Variants in RCAN1 observed in about 807,000 individuals in gnomAD.
RCAN1 encodes the protein calcipressin-1.
A neutral mutation model predicts 22.9 loss-of-function variants in RCAN1; 11 were observed. The observed-to-expected ratio is 0.48, with a 90% CI of 0.30 to 0.79. The LOEUF (loss-of-function observed/expected upper bound fraction) is 0.79, where lower values mean the gene tolerates loss of function less well. Among genes scored for constraint, RCAN1 ranks in the 30% least tolerant of loss-of-function variants. The pLI is 0.06. For missense variants in RCAN1, 291 were observed against 337.8 expected (o/e 0.86, Z 1.09); for synonymous variants, 136 against 142.3 (o/e 0.96, Z 0.32).
chr21:34,582,259 GA>G (rs1987638125), intron 1 of RCAN1, among the ~76,000 whole-genome samples: 1 of 152,120 alleles, frequency 6.6e-6, no homozygotes, highest in Non-Finnish European at 1.5e-5. Flanking sequence ...TGGTAAATGA[GA>G]CAAAAGCCTT....
At chr21:34,543,970 T>C (rs2251134) in intron 1 of RCAN1, among the ~76,000 whole-genome samples, 57,029 of 152,168 alleles carry the variant, frequency 0.37, 11,105 homozygotes, top group South Asian at 0.48. Flanking sequence ...ATGAATATTA[T>C]CTCTAGACTG....
intron 1 of RCAN1, among the ~76,000 whole-genome samples, chr21:34,555,514 A>G (rs981872197): frequency 2.8e-4 from 43 of 150,886 alleles, no homozygotes; most frequent in Non-Finnish European, 1.5e-4. Context: ...TCAGCACTGT[A>G]GTGAGCTGTG....
intron 1 of RCAN1, among the ~76,000 whole-genome samples, chr21:34,546,041 T>C (rs970172155): frequency 1.3e-5 from 2 of 152,206 alleles, no homozygotes; most frequent in African/African-American, 4.8e-5. Flanking sequence ...AAAACGCTCA[T>C]AGAAATGTTG....
intron 1 of RCAN1, among the ~76,000 whole-genome samples, chr21:34,606,057 T>C (rs151005693): frequency 1.2e-3 from 184 of 152,172 alleles, no homozygotes; most frequent in African/African-American, 4.3e-3. Flanking sequence ...TCCTCCTCTA[T>C]AGAATGGGGA....
intron 1 of RCAN1, among the ~76,000 whole-genome samples, chr21:34,588,333 C>T (rs1987867100): frequency 6.6e-6 from 1 of 152,112 alleles, no homozygotes; most frequent in Admixed American, 6.5e-5. Context: ...TGGGGAGGGA[C>T]ATGAAGGATG....
chr21:34,562,267 G>A (rs1000342036), intron 1 of RCAN1, among the ~76,000 whole-genome samples: 2 of 152,172 alleles, frequency 1.3e-5, no homozygotes, highest in South Asian at 2.1e-4. Context: ...ACATCTTTTG[G>A]TACATTCTTA....
rs184937750 is a variant in RCAN1, at chr21:34,597,848, A to T, written c.252+16912T>A. ...AGCACAGGTGGTTGGTTACAAAATT[A>T]ATACACAGAAACAATAATCTTCTCT... On this transcript the variant is annotated intron_variant, in intron 1 of 3. Coordinates refer to ENST00000313806, the MANE Select transcript of RCAN1 (RefSeq NM_004414.7). Among the ~76,000 whole-genome samples, 13 of 152,356 alleles carry T rather than the reference A, an allele frequency of 8.5e-5. No homozygotes were observed. The East Asian group carries it at 2.3e-3, about 27-fold the overall frequency.
chr21:34,517,902 A>G lies in RCAN1; in HGVS notation c.*182T>C. On this transcript the variant is annotated 3_prime_UTR_variant, in exon 4 of 4. Coordinates refer to ENST00000313806, the MANE Select transcript of RCAN1 (RefSeq NM_004414.7). ...GTCATTCCCGGGTGCCATGAACAGT[A>G]ACTGGTGTGCAGCATTAGAACAAGG... 1 of 670,480 alleles carries G rather than the reference A, an allele frequency of 1.5e-6. No individual in the cohort carries two copies. Among genetic ancestry groups the G allele is most frequent in the Non-Finnish European group, 2.5e-6 (1 of 396,532 alleles). 41.5% of individuals were successfully genotyped at this position (670,480 alleles called of 1,614,324 possible). A position where few individuals can be genotyped will look rare whatever the true frequency, so the allele number is the denominator to read the frequency against.
rs544963069 is a variant in RCAN1, at chr21:34,518,198, T to C, written c.645A>G (p.Val215=). ...TDTTPSVVVH[V]CESDQEKEEE... ...CCTCCTTCTCTTGATCACTCTCACA[T>C]ACATGGACCACCACGCTGGGAGTGG... The change falls in exon 4 of 4, where the codon GTA becomes GTG. Residue 215 remains valine, a synonymous_variant. Transcript: ENST00000313806. This position sits in a 1 kb window ranked among gnomAD's most constrained non-coding sequence, Gnocchi z 4.2. 1.2e-5 allele frequency: 20 copies of C among 1,614,192 alleles called. No homozygotes were observed. Among genetic ancestry groups the C allele is most frequent in the East Asian group, 8.9e-5 (4 of 44,880 alleles).
intron 1 of RCAN1, among the ~76,000 whole-genome samples, chr21:34,549,495 C>T (rs1568901877): frequency 6.6e-6 from 1 of 152,074 alleles, no homozygotes; most frequent in Non-Finnish European, 1.5e-5. Context: ...CCGAGGATCC[C>T]AAAATGAAAA....
chr21:34,608,732 A>G (rs1988606955), intron 1 of RCAN1, among the ~76,000 whole-genome samples: 1 of 152,236 alleles, frequency 6.6e-6, no homozygotes. Flanking sequence ...GGCAGTAGAT[A>G]ACTAATACAC....
intron 1 of RCAN1, among the ~76,000 whole-genome samples, chr21:34,592,799 A>G (rs1988018670): frequency 6.6e-6 from 1 of 152,158 alleles, no homozygotes; most frequent in African/African-American, 2.4e-5. Context: ...TATGATGTCT[A>G]TGTTCTCTCG....
chr21:34,534,455 T>C (rs777553280), intron 1 of RCAN1, among the ~76,000 whole-genome samples: 2 of 152,174 alleles, frequency 1.3e-5, no homozygotes, highest in Non-Finnish European at 2.9e-5. Context: ...ATAGTCATGT[T>C]GGGACTTGGC....
At chr21:34,523,438 A>C in intron 2 of RCAN1, 99 bp downstream of exon 2, 1 of 1,149,536 alleles carries the variant, frequency 8.7e-7, no homozygotes, top group Non-Finnish European at 1.2e-6. Flanking sequence ...GAAGTCTCAG[A>C]GTTTCCGGTC....
chr21:34,550,699 A>G (rs761859262), intron 1 of RCAN1, among the ~76,000 whole-genome samples: 79 of 152,292 alleles, frequency 5.2e-4, no homozygotes, highest in East Asian at 3.9e-4. Context: ...GCAGACTAAC[A>G]CCACTGCCAA....
chr21:34,555,272 A>G (rs1306811687), intron 1 of RCAN1, among the ~76,000 whole-genome samples: 1 of 152,202 alleles, frequency 6.6e-6, no homozygotes, highest in Non-Finnish European at 1.5e-5. Context: ...ATAAAAAGAC[A>G]TTCATGAGCC....
intron 1 of RCAN1, among the ~76,000 whole-genome samples, chr21:34,610,125 A>G (rs1251266255): frequency 6.6e-6 from 1 of 152,184 alleles, no homozygotes; most frequent in Non-Finnish European, 1.5e-5. Context: ...AGGATGTCAC[A>G]TTTTACAATA....
At chr21:34,600,043 A>G (rs186355060) in intron 1 of RCAN1, among the ~76,000 whole-genome samples, 1 of 152,288 alleles carries the variant, frequency 6.6e-6, no homozygotes, top group East Asian at 1.9e-4. Context: ...ACTGGCCCCA[A>G]CAACCAAGAG....
chr21:34,555,318 T>A (rs1428564500), intron 1 of RCAN1, among the ~76,000 whole-genome samples: 1 of 152,160 alleles, frequency 6.6e-6, no homozygotes, highest in Non-Finnish European at 1.5e-5. Flanking sequence ...GGATATTTGG[T>A]GATATTAAGA....
Sources: allele counts gnomAD v4.1 joint callset (sites outside exome capture counted in the v4.1 genomes callset), GRCh38; gene constraint gnomAD v4.1.1; non-coding constraint Gnocchi (gnomAD v3.1); transcripts MANE v1.5; gene names NCBI Gene and HGNC (gene_info 2026-07-23, HGNC 2026-07-21).